GRAMD1B: variants seen among roughly 807,000 people sequenced by gnomAD.
GRAMD1B encodes the protein protein Aster-B.
A neutral mutation model predicts 99.7 loss-of-function variants in GRAMD1B; 37 were observed. The ratio of observed to expected loss-of-function variants is 0.37; its 90% confidence interval spans 0.29 to 0.49. The LOEUF (loss-of-function observed/expected upper bound fraction) is 0.49, where lower values mean the gene tolerates loss of function less well. GRAMD1B is among the 20% of genes least tolerant of loss of function. GRAMD1B has a pLI of 0.98. For synonymous variants in GRAMD1B, 427 were observed against 387.6 expected (o/e 1.10, Z -1.19); for missense variants, 888 against 1,009.2 (o/e 0.88, Z 1.63).
chr11:123,491,414 A>G (rs1938543868), intron 2 of GRAMD1B, among the ~76,000 whole-genome samples: 2 of 151,996 alleles, frequency 1.3e-5, no homozygotes, highest in Admixed American at 6.5e-5. Flanking sequence ...ATCCCTTACC[A>G]TGGGGAGAGA....
chr11:123,477,925 C>T (rs767224479), intron 1 of GRAMD1B, among the ~76,000 whole-genome samples: 1 of 151,974 alleles, frequency 6.6e-6, no homozygotes, highest in Non-Finnish European at 1.5e-5. Context: ...CAGGCGCTTG[C>T]CACCAAGACT....
intron 1 of GRAMD1B, among the ~76,000 whole-genome samples, chr11:123,370,922 C>T (rs909526457): frequency 7.2e-5 from 11 of 152,156 alleles, no homozygotes; most frequent in African/African-American, 2.7e-4. Context: ...CTGGCAGAAT[C>T]ACAAGGCGCT....
intron 1 of GRAMD1B, among the ~76,000 whole-genome samples, chr11:123,414,550 AT>A (rs915975500): frequency 6.6e-6 from 1 of 151,814 alleles, no homozygotes; most frequent in Non-Finnish European, 1.5e-5. Context: ...TTCAAATGTA[AT>A]TTTCCTTATG....
At chr11:123,378,134 C>T (rs1423593627) in intron 1 of GRAMD1B, among the ~76,000 whole-genome samples, 1 of 152,156 alleles carries the variant, frequency 6.6e-6, no homozygotes, top group African/African-American at 2.4e-5. Context: ...GGGAGGTAGT[C>T]GAAGGTGCTA....
chr11:123,520,776 C>CAAAAAA (rs11219185), intron 2 of GRAMD1B, among the ~76,000 whole-genome samples: 1 of 103,698 alleles, frequency 9.6e-6, no homozygotes, highest in African/African-American at 3.8e-5. Flanking sequence ...GAGACCCTGT[C>CAAAAAA]AAAAAAAAAA....
chr11:123,389,504 T>TA (rs767436563), intron 1 of GRAMD1B, among the ~76,000 whole-genome samples: 13 of 151,880 alleles, frequency 8.6e-5, no homozygotes, highest in Non-Finnish European at 1.8e-4. Context: ...AAGAGGAGCC[T>TA]AAGGAGATAA....
chr11:123,374,329 T>C (rs1361753474), intron 1 of GRAMD1B, among the ~76,000 whole-genome samples: 1 of 152,188 alleles, frequency 6.6e-6, no homozygotes, highest in Non-Finnish European at 1.5e-5. Context: ...TAATGCAAAA[T>C]AGACATTACT....
At chr11:123,373,862 A>G (rs1946609339) in intron 1 of GRAMD1B, among the ~76,000 whole-genome samples, 1 of 152,200 alleles carries the variant, frequency 6.6e-6, no homozygotes, top group African/African-American at 2.4e-5. Flanking sequence ...GCTATACAGC[A>G]TGTGTGGTCA....
intron 2 of GRAMD1B, among the ~76,000 whole-genome samples, chr11:123,520,995 A>G (rs1283114624): frequency 6.6e-6 from 1 of 152,062 alleles, no homozygotes; most frequent in Non-Finnish European, 1.5e-5. Flanking sequence ...GTTGATAGAC[A>G]TTTGTTTTCA....
intron 1 of GRAMD1B, among the ~76,000 whole-genome samples, chr11:123,445,940 C>A (rs1043641394): frequency 1.3e-5 from 2 of 151,752 alleles, no homozygotes; most frequent in African/African-American, 4.8e-5. Flanking sequence ...TGGGAAAGTT[C>A]TACCTAAGAT....
chr11:123,598,438 G>A (rs948004656), intron 7 of GRAMD1B: 2 of 958,448 alleles, frequency 2.1e-6, no homozygotes, highest in African/African-American at 3.2e-5. Flanking sequence ...TGAGTGAGAT[G>A]TCGCTGTTCT....
intron 10 of GRAMD1B, 31 bp from the exon 11 acceptor site, chr11:123,606,578 C>G (rs745341610): frequency 6.3e-7 from 1 of 1,584,982 alleles, no homozygotes; most frequent in Non-Finnish European, 8.6e-7. Context: ...CCAGGTTTCC[C>G]TGGTGGGTGA....
chr11:123,508,467 C>T (rs114794119), intron 2 of GRAMD1B, among the ~76,000 whole-genome samples: 2,095 of 152,270 alleles, frequency 0.014, 71 homozygotes, highest in African/African-American at 0.048. Context: ...GACACTCAAA[C>T]TATAATAGAA....
intron 2 of GRAMD1B, among the ~76,000 whole-genome samples, chr11:123,503,922 C>T (rs77682135): frequency 0.027 from 4,153 of 152,176 alleles, 163 homozygotes; most frequent in African/African-American, 0.085. Context: ...TTATTATGAC[C>T]TCCATTTTAT....
intron 2 of GRAMD1B, among the ~76,000 whole-genome samples, chr11:123,487,763 T>A (rs1390947018): frequency 6.6e-6 from 1 of 152,176 alleles, no homozygotes; most frequent in Non-Finnish European, 1.5e-5. Flanking sequence ...CCCGCCATCA[T>A]GCCCAGCTAA....
chr11:123,524,584 G>A (rs1007449881), intron 2 of GRAMD1B, among the ~76,000 whole-genome samples: 11 of 152,036 alleles, frequency 7.2e-5, no homozygotes, highest in African/African-American at 2.7e-4. Context: ...CAAGGGATCC[G>A]CCTCCTTGGG....
chr11:123,430,705 C>G lies in GRAMD1B; in HGVS notation c.-88C>G, dbSNP rs528427607. Reference sequence around the variant, plus strand: ...GGCCCCAGGATTGGGGAGTGTGCCGCGGGGCCGAGGGTGGGGAACAGCCAG... The same window carrying G: ...GGCCCCAGGATTGGGGAGTGTGCCGGGGGGCCGAGGGTGGGGAACAGCCAG... On this transcript the variant is annotated 5_prime_UTR_variant, in exon 1 of 20. Coordinates refer to ENST00000635736, the MANE Select transcript of GRAMD1B (RefSeq NM_001387025.1). The G allele has an allele frequency of 3.4e-6, 2 of 584,676 alleles. No homozygotes were observed. Among genetic ancestry groups the G allele is most frequent in the Non-Finnish European group, 6.0e-6 (2 of 332,006 alleles). The allele number at this position is 584,676 out of a possible 1,614,324, so 36.2% of individuals were successfully genotyped here.
intron 2 of GRAMD1B, among the ~76,000 whole-genome samples, chr11:123,557,124 A>G (rs1269201823): frequency 6.6e-6 from 1 of 152,244 alleles, no homozygotes; most frequent in African/African-American, 2.4e-5. Flanking sequence ...AGTAAGTAGT[A>G]TCCATTTCAT....
chr11:123,480,803 T>G lies in GRAMD1B; in HGVS notation c.375-13T>G, dbSNP rs1489295332. ...GCTGAAGTTAACGGTTGATATCCTATGTCTTTCCTCAGCAGCCAACAGAGC... is the reference window on the plus strand; with the variant it reads ...GCTGAAGTTAACGGTTGATATCCTAGGTCTTTCCTCAGCAGCCAACAGAGC... On this transcript the variant is annotated splice_polypyrimidine_tract_variant and intron_variant, in intron 1 of 19. Transcript: ENST00000635736. 2.5e-6 allele frequency: 1 copy of G among 398,942 alleles called. No individual in the cohort carries two copies. Among genetic ancestry groups the G allele is most frequent in the Admixed American group, 4.4e-5 (1 of 22,698 alleles). The allele number at this position is 398,942 out of a possible 1,614,324, so 24.7% of individuals were successfully genotyped here.
Sources: allele counts gnomAD v4.1 joint callset (sites outside exome capture counted in the v4.1 genomes callset), GRCh38; gene constraint gnomAD v4.1.1; transcripts MANE v1.5; gene names NCBI Gene and HGNC (gene_info 2026-07-23, HGNC 2026-07-21).